Variants in FBLN1 observed in about 807,000 individuals in gnomAD.
The protein encoded by FBLN1 is fibulin-1.
A neutral mutation model predicts 89.7 loss-of-function variants in FBLN1; 34 were observed. That is an observed-to-expected ratio of 0.38 (90% CI 0.29 to 0.50). FBLN1 has a LOEUF of 0.50. Among genes scored for constraint, FBLN1 ranks in the 20% least tolerant of loss-of-function variants. The pLI is 0.92. For synonymous variants in FBLN1, 393 were observed against 391.3 expected (o/e 1.00, Z -0.05); for missense variants, 777 against 988.1 (o/e 0.79, Z 2.86).
At chr22:45,507,053 A>C (rs1220253154) in intron 1 of FBLN1, among the ~76,000 whole-genome samples, 1 of 151,814 alleles carries the variant, frequency 6.6e-6, no homozygotes, top group Non-Finnish European at 1.5e-5. Flanking sequence ...GGGAGGGGGG[A>C]ACCACTGTGT....
At chr22:45,515,304 C>G (rs1414348777) in intron 1 of FBLN1, among the ~76,000 whole-genome samples, 2 of 152,214 alleles carry the variant, frequency 1.3e-5, no homozygotes, top group Non-Finnish European at 2.9e-5. Flanking sequence ...CAGGAGCTCT[C>G]CCTTGGCTAA....
At chr22:45,565,655 TGAA>T in intron 14 of FBLN1, 1 of 190,744 alleles carries the variant, frequency 5.2e-6, no homozygotes, top group South Asian at 1.1e-4. Context: ...ATGTTTGGCT[TGAA>T]GAAGGAGCTC....
At position 45,590,286 on chromosome 22, in the gene FBLN1, C is replaced by G. The variant is rs557270895; in HGVS notation, c.1973-10021C>G. ...AGAAAGAGGCAGAGTAGCCTTCACTCCGGAAGGCAGAGGGCAGGACTTGGC... is the reference window on the plus strand; with the variant it reads ...AGAAAGAGGCAGAGTAGCCTTCACTGCGGAAGGCAGAGGGCAGGACTTGGC... On this transcript the variant is annotated intron_variant, in intron 16 of 16. Transcript: ENST00000327858. The surrounding 1 kb of genome is among the most constrained non-coding windows in gnomAD (Gnocchi z 4.1). Among the ~76,000 whole-genome samples, 1 of 152,356 alleles carries G rather than the reference C, an allele frequency of 6.6e-6. No individual in the cohort carries two copies. Among genetic ancestry groups the G allele is most frequent in the Non-Finnish European group, 1.5e-5 (1 of 68,032 alleles).
At chr22:45,533,019 G>T in intron 5 of FBLN1, 44 bp from the exon 6 acceptor site, 1 of 1,560,032 alleles carries the variant, frequency 6.4e-7, no homozygotes, top group African/African-American at 1.4e-5. Flanking sequence ...ACCAGGCGGT[G>T]CCTGGGTGCG....
At position 45,518,892 on chromosome 22, in the gene FBLN1, C is replaced by T. The variant is rs1226920902; in HGVS notation, c.185+105C>T. On this transcript the variant is annotated intron_variant, in intron 2 of 16. Transcript: ENST00000327858. The stretch of plus-strand genomic sequence containing the variant: ...CAGACCTCTCGGGAGAGGCTGGACA[C>T]CCAGGCCCGGATCCATCCAGGCTGC... 2.3e-5 allele frequency: 24 copies of T among 1,046,532 alleles called. No homozygotes were observed. In the East Asian group the frequency reaches 6.0e-4, roughly 26 times the overall value. The allele number at this position is 1,046,532 out of a possible 1,614,324, so 64.8% of individuals were successfully genotyped here. A position where few individuals can be genotyped will look rare whatever the true frequency, so the allele number is the denominator to read the frequency against.
intron 16 of FBLN1, among the ~76,000 whole-genome samples, chr22:45,587,582 TG>T: frequency 6.6e-6 from 1 of 152,264 alleles, no homozygotes; most frequent in South Asian, 2.1e-4. Flanking sequence ...GGCTTACCCC[TG>T]GGGGCCCAGC....
At position 45,533,100 on chromosome 22, in the gene FBLN1, T is replaced by C; in HGVS notation, c.582T>C (p.Gly194=). The C allele has an allele frequency of 6.2e-7, 1 of 1,614,090 alleles. No individual in the cohort carries two copies. Among genetic ancestry groups the C allele is most frequent in the Non-Finnish European group, 8.5e-7 (1 of 1,179,994 alleles). ...GPCKQQCRDT[G]DEVVCSCFVG... ...GCAAGCAGCAGTGCCGAGACACGGG[T>C]GACGAGGTGGTCTGCTCCTGCTTCG... Residue 194 remains glycine, a synonymous_variant, in exon 6 of 17, where the codon GGT becomes GGC. Coordinates refer to ENST00000327858, the MANE Select transcript of FBLN1 (RefSeq NM_006486.3).
rs1569242307 is a variant in FBLN1, at chr22:45,531,343, C to T, written c.544+19C>T. On this transcript the variant is annotated intron_variant, in intron 5 of 16. Coordinates refer to ENST00000327858, the MANE Select transcript of FBLN1 (RefSeq NM_006486.3). This position sits in a 1 kb window ranked among gnomAD's most constrained non-coding sequence, Gnocchi z 4.9. The stretch of plus-strand genomic sequence containing the variant: ...TGCCGAGGTGAGACTCGGGCGTCTC[C>T]CATCAGTTGGTATTTAAACAAACCC... 4 of 1,611,368 alleles carry T rather than the reference C, an allele frequency of 2.5e-6. No individual in the cohort carries two copies. Among genetic ancestry groups the T allele is most frequent in the Non-Finnish European group, 3.4e-6 (4 of 1,177,762 alleles).
intron 16 of FBLN1, among the ~76,000 whole-genome samples, chr22:45,596,608 T>A (rs2089188333): frequency 6.7e-6 from 1 of 148,726 alleles, no homozygotes. Flanking sequence ...ATGATTACTA[T>A]ATACATATAT....
Position 45,576,990 on chromosome 22 carries a change from C to A in FBLN1, c.1854C>A (p.Leu618=). Reference sequence around the variant, plus strand: ...GTGCCTCTGCAGAGATCATCTTCCTCCGGGCCATCACGCCACCGCATCCTG... The same window carrying A: ...GTGCCTCTGCAGAGATCATCTTCCTACGGGCCATCACGCCACCGCATCCTG... ...EFTRPEEIIF[L]RAITPPHPAS... Residue 618 remains leucine (L), a synonymous_variant, in exon 16 of 17, where the codon CTC becomes CTA. Transcript: ENST00000327858. The surrounding 1 kb of genome is among the most constrained non-coding windows in gnomAD (Gnocchi z 5.2). The A allele has an allele frequency of 6.2e-7, 1 of 1,614,030 alleles. No individual in the cohort carries two copies. The highest frequency in any genetic ancestry group is 2.2e-5 in the East Asian group (1 of 44,872).
intron 2 of FBLN1, among the ~76,000 whole-genome samples, chr22:45,520,134 A>G (rs1419776730): frequency 6.6e-6 from 1 of 152,082 alleles, no homozygotes. Flanking sequence ...CGTTCATTGT[A>G]CTCCAGCCTA....
intron 3 of FBLN1, 37 bp from the exon 4 acceptor site, chr22:45,527,810 C>T (rs893137795): frequency 3.7e-6 from 6 of 1,611,998 alleles, no homozygotes; most frequent in Non-Finnish European, 5.1e-6. Flanking sequence ...GGCTGTCTGC[C>T]CGCTCCTCCA....
chr22:45,574,577 C>T lies in FBLN1; in HGVS notation c.1764C>T (p.Cys588=), dbSNP rs1258311052. The T allele has an allele frequency of 4.3e-6, 7 of 1,613,996 alleles. No homozygotes were observed. The highest frequency in any genetic ancestry group is 1.1e-5 in the South Asian group (1 of 91,086). ...IKSCRPNDVT[C]VFDPVHTISH... ...CCTGCCGCCCCAACGATGTCACATG[C>T]GTGTTCGACCCCGTGCACACCATCT... is the stretch of plus-strand genomic sequence containing the variant. The change falls in exon 15 of 17, where the codon TGC becomes TGT. Residue 588 remains cysteine (C), a synonymous_variant. Transcript: ENST00000327858. This position sits in a 1 kb window ranked among gnomAD's most constrained non-coding sequence, Gnocchi z 4.1.
At chr22:45,533,965 C>CAGCTCTGGGG in intron 7 of FBLN1, 67 bp downstream of exon 7, 1 of 1,602,874 alleles carries the variant, frequency 6.2e-7, no homozygotes, top group Non-Finnish European at 8.5e-7. Context: ...GTGGGAAGGG[C>CAGCTCTGGGG]AGCTCTGGGG....
chr22:45,555,290 T>TATATAA lies in FBLN1; in HGVS notation c.1697+4676_1697+4677insTATAAA, dbSNP rs899715449. On this transcript the variant is annotated intron_variant, in intron 14 of 16. Transcript: ENST00000327858. ...AAAATGGAATATATATATATATATA[T>TATATAA]AAAATGGAATATATATATGGAATAT... is the stretch of plus-strand genomic sequence containing the variant. Among the ~76,000 whole-genome samples, 165 of 143,990 alleles carry TATATAA rather than the reference T, an allele frequency of 1.1e-3. 1 individual carries two copies. Among genetic ancestry groups the TATATAA allele is most frequent in the African/African-American group, 3.9e-3 (155 of 39,460 alleles). 94.5% of individuals were successfully genotyped at this position (143,990 alleles called of 152,430 possible).
At chr22:45,584,964 G>C (rs1332645834) in intron 16 of FBLN1, among the ~76,000 whole-genome samples, 1 of 152,234 alleles carries the variant, frequency 6.6e-6, no homozygotes, top group Non-Finnish European at 1.5e-5. Context: ...GCCAGGCCCT[G>C]CACTGGGTAC....
chr22:45,520,669 C>T (rs1020089980), intron 2 of FBLN1, among the ~76,000 whole-genome samples: 6 of 152,166 alleles, frequency 3.9e-5, no homozygotes, highest in Non-Finnish European at 7.3e-5. Flanking sequence ...GGCATCAGCC[C>T]GTGTAACCCC....
chr22:45,531,135 A>T lies in FBLN1; in HGVS notation c.485-130A>T. On this transcript the variant is annotated intron_variant, in intron 4 of 16. Coordinates refer to ENST00000327858, the MANE Select transcript of FBLN1 (RefSeq NM_006486.3). This position sits in a 1 kb window ranked among gnomAD's most constrained non-coding sequence, Gnocchi z 4.9. ...CTTAAAGAGGATAAAGTTAATACTT[A>T]GCTGTTTATATAAGATGTTCAAATG... 2 of 766,928 alleles carry T rather than the reference A, an allele frequency of 2.6e-6. No individual in the cohort carries two copies. The highest frequency in any genetic ancestry group is 4.7e-6 in the Non-Finnish European group (2 of 424,118). The allele number at this position is 766,928 out of a possible 1,614,324, so 47.5% of individuals were successfully genotyped here.
chr22:45,564,495 G>A (rs8136595), intron 14 of FBLN1, among the ~76,000 whole-genome samples: 2,495 of 152,276 alleles, frequency 0.016, 85 homozygotes, highest in African/African-American at 0.058. Flanking sequence ...TGCTGCCTCC[G>A]GCCCTTGGTA....
Sources: gnomAD v4.1 joint callset for allele counts (sites outside exome capture counted in the v4.1 genomes callset) on GRCh38, gnomAD v4.1.1 for gene constraint, Gnocchi (gnomAD v3.1) non-coding constraint, MANE v1.5 for transcripts, NCBI Gene and HGNC (gene_info 2026-07-23, HGNC 2026-07-21) for gene names.